Variants in KCTD16 observed in about 807,000 individuals in gnomAD.
KCTD16 encodes the protein BTB/POZ domain-containing protein KCTD16.
KCTD16 carries 13 observed loss-of-function variants against 33.2 expected under a neutral mutation model. That is an observed-to-expected ratio of 0.39 (90% CI 0.25 to 0.62). The LOEUF is 0.62. KCTD16 is among the 20% of genes least tolerant of loss of function. KCTD16 has a pLI of 0.50. For synonymous variants in KCTD16, 197 were observed against 195.3 expected (o/e 1.01, Z -0.07); for missense variants, 441 against 525.1 (o/e 0.84, Z 1.57).
At position 144,223,214 on chromosome 5, in the gene KCTD16, G is replaced by A. The variant is rs111661432; in HGVS notation, c.832+15668G>A. Among the ~76,000 whole-genome samples the A allele has an allele frequency of 2.4e-3, 362 of 152,206 alleles. 2 individuals carry two copies. The highest frequency in any genetic ancestry group is 4.1e-3 in the African/African-American group (171 of 41,526). The stretch of plus-strand genomic sequence containing the variant: ...TGTAAATGACGAGTTAATGGGTGCA[G>A]CACACCAACATGGCACATGTATACA... On this transcript the variant is annotated intron_variant, in intron 3 of 3. Coordinates refer to ENST00000512467, the MANE Select transcript of KCTD16 (RefSeq NM_020768.4).
At chr5:144,320,100 T>G (rs990217448) in intron 3 of KCTD16, among the ~76,000 whole-genome samples, 1 of 152,122 alleles carries the variant, frequency 6.6e-6, no homozygotes, top group African/African-American at 2.4e-5. Context: ...TGATTAAGTC[T>G]CACAACCTGG....
chr5:144,193,227 G>C (rs1752877327), intron 2 of KCTD16, among the ~76,000 whole-genome samples: 1 of 152,130 alleles, frequency 6.6e-6, no homozygotes, highest in Non-Finnish European at 1.5e-5. Context: ...ACCAGAACAT[G>C]TCACTTCTAA....
At chr5:144,436,203 T>A (rs182077554) in intron 3 of KCTD16, among the ~76,000 whole-genome samples, 1 of 152,314 alleles carries the variant, frequency 6.6e-6, no homozygotes, top group African/African-American at 2.4e-5. Context: ...TGGGACTTAA[T>A]AAATGTTTAC....
At chr5:144,358,116 T>G (rs1751614665) in intron 3 of KCTD16, among the ~76,000 whole-genome samples, 1 of 128,984 alleles carries the variant, frequency 7.8e-6, no homozygotes, top group South Asian at 2.3e-4. Context: ...TTTTTTTTTG[T>G]AGAGACGAGA....
chr5:144,416,550 C>T (rs1753058510), intron 3 of KCTD16, among the ~76,000 whole-genome samples: 1 of 152,040 alleles, frequency 6.6e-6, no homozygotes. Context: ...AGTCATTGTC[C>T]CTCCACTGAG....
At chr5:144,328,883 A>T (rs1376229157) in intron 3 of KCTD16, among the ~76,000 whole-genome samples, 15 of 147,650 alleles carry the variant, frequency 1.0e-4, no homozygotes, top group African/African-American at 3.8e-4. Flanking sequence ...TTTTATCAGC[A>T]TCTGATTTCT....
chr5:144,411,238 G>A (rs891252819), intron 3 of KCTD16, among the ~76,000 whole-genome samples: 1 of 152,106 alleles, frequency 6.6e-6, no homozygotes, highest in South Asian at 2.1e-4. Context: ...GGAAACCTGA[G>A]TAAAAAGAAC....
At chr5:144,243,806 C>CGATGTTGG (rs2126824034) in intron 3 of KCTD16, among the ~76,000 whole-genome samples, 1 of 152,120 alleles carries the variant, frequency 6.6e-6, no homozygotes, top group African/African-American at 2.4e-5. Flanking sequence ...TGCAGTGGCA[C>CGATGTTGG]GATGTTGGCT....
chr5:144,353,306 G>T (rs759639761), intron 3 of KCTD16, among the ~76,000 whole-genome samples: 4 of 152,136 alleles, frequency 2.6e-5, no homozygotes, highest in Non-Finnish European at 5.9e-5. Flanking sequence ...ACATAGACAC[G>T]ATTTTCCAGG....
At chr5:144,330,897 C>A (rs1391487726) in intron 3 of KCTD16, among the ~76,000 whole-genome samples, 1 of 152,002 alleles carries the variant, frequency 6.6e-6, no homozygotes, top group African/African-American at 2.4e-5. Context: ...GATAGACAGG[C>A]AAAGAAACAG....
rs1249583287 is a variant in KCTD16, at chr5:144,477,713, A to G, written c.*3599A>G. The G allele has an allele frequency of 6.6e-6, 1 of 152,100 alleles. No homozygotes were observed. Among genetic ancestry groups the G allele is most frequent in the Non-Finnish European group, 1.5e-5 (1 of 67,998 alleles). The allele number at this position is 152,100 out of a possible 1,614,324, so 9.4% of individuals were successfully genotyped here. On this transcript the variant is annotated 3_prime_UTR_variant, in exon 4 of 4. Transcript: ENST00000512467. ...AAAATTACTTGACACCAGCTCCCACAATGGGAACCAAATTTTGATTCTTAT... is the reference window on the plus strand; with the variant it reads ...AAAATTACTTGACACCAGCTCCCACGATGGGAACCAAATTTTGATTCTTAT...
rs759227443 is a variant in KCTD16 at position 144,473,814 on chromosome 5, C to A, written c.987C>A (p.Ile329=). The A allele has an allele frequency of 1.2e-5, 19 of 1,614,008 alleles. No individual in the cohort carries two copies. In the Admixed American group the frequency reaches 3.2e-4, roughly 27 times the overall value. Residue 329 remains isoleucine (I), a synonymous_variant, in exon 4 of 4, where the codon ATC becomes ATA. Coordinates refer to ENST00000512467, the MANE Select transcript of KCTD16 (RefSeq NM_020768.4). The part of the protein sequence containing the change: ...SEASSPQETV[I]CGPVTRQTNI... ...CCAGCTCTCCCCAGGAGACGGTCAT[C>A]TGTGGTCCCGTGACACGCCAGACCA...
At chr5:144,432,607 C>G (rs1398878915) in intron 3 of KCTD16, among the ~76,000 whole-genome samples, 2 of 151,944 alleles carry the variant, frequency 1.3e-5, no homozygotes, top group African/African-American at 4.8e-5. Context: ...GATTCATATT[C>G]CAGTGGCAAA....
At chr5:144,183,022 C>T (rs1333570528) in intron 2 of KCTD16, among the ~76,000 whole-genome samples, 1 of 150,302 alleles carries the variant, frequency 6.7e-6, no homozygotes, top group East Asian at 2.0e-4. Context: ...ATGTTGTACA[C>T]CTTAACTTTA....
At chr5:144,334,919 G>A (rs543701844) in intron 3 of KCTD16, among the ~76,000 whole-genome samples, 9 of 152,034 alleles carry the variant, frequency 5.9e-5, no homozygotes, top group African/African-American at 1.9e-4. Flanking sequence ...TGGGACTACC[G>A]GCATGTACTA....
chr5:144,185,418 T>C (rs1472591631), intron 2 of KCTD16, among the ~76,000 whole-genome samples: 2 of 152,210 alleles, frequency 1.3e-5, no homozygotes, highest in Non-Finnish European at 2.9e-5. Flanking sequence ...CAGATTTGTT[T>C]GAATTCAGTG....
chr5:144,262,735 C>A (rs912606905), intron 3 of KCTD16, among the ~76,000 whole-genome samples: 1 of 152,186 alleles, frequency 6.6e-6, no homozygotes, highest in Non-Finnish European at 1.5e-5. Context: ...AATATTCATG[C>A]CCTACTCATT....
intron 3 of KCTD16, among the ~76,000 whole-genome samples, chr5:144,340,279 A>G (rs1043532155): frequency 6.6e-6 from 1 of 151,548 alleles, no homozygotes. Context: ...ACGGGTACCT[A>G]TAGTCCCAGC....
rs1480375986 is a variant in KCTD16 at position 144,479,152 on chromosome 5, T to TA, written c.*5038_*5039insA. 2.0e-5 allele frequency: 3 copies of TA among 151,674 alleles called. No homozygotes were observed. Among genetic ancestry groups the TA allele is most frequent in the Admixed American group, 2.0e-4 (3 of 15,194 alleles). The allele number at this position is 151,674 out of a possible 1,614,324, so 9.4% of individuals were successfully genotyped here. ...TTAATGGTGTATATGGCCCCAAAGGTGATTCCATTAACTGCACATAAAATA... is the reference window on the plus strand; with the variant it reads ...TTAATGGTGTATATGGCCCCAAAGGTAGATTCCATTAACTGCACATAAAATA... On this transcript the variant is annotated 3_prime_UTR_variant, in exon 4 of 4. Coordinates refer to ENST00000512467, the MANE Select transcript of KCTD16 (RefSeq NM_020768.4).
Sources: gnomAD v4.1 joint callset for allele counts (sites outside exome capture counted in the v4.1 genomes callset) on GRCh38, gnomAD v4.1.1 for gene constraint, MANE v1.5 for transcripts, NCBI Gene and HGNC (gene_info 2026-07-23, HGNC 2026-07-21) for gene names.